GRID1: variants seen among roughly 807,000 people sequenced by gnomAD.
GRID1 encodes glutamate receptor ionotropic, delta-1.
Under a neutral mutation model 98.0 loss-of-function variants are expected in GRID1, and 28 were observed. The observed-to-expected ratio is 0.29, with a 90% confidence interval of 0.21 to 0.39. The LOEUF (loss-of-function observed/expected upper bound fraction) is 0.39, where lower values mean the gene tolerates loss of function less well. Among genes scored for constraint, GRID1 ranks in the 10% least tolerant of loss-of-function variants. GRID1 has a pLI of 1.00. For synonymous variants in GRID1, 553 were observed against 538.5 expected, an observed-to-expected ratio of 1.03 and a Z score of -0.37; for missense variants, 1,111 against 1,340.5, an observed-to-expected ratio of 0.83 and a Z score of 2.67.
In GRID1 at chr10:85,868,991, G is replaced by A. The variant is rs866549941; in HGVS notation, c.951+19C>T. On this transcript the variant is annotated intron_variant, in intron 6 of 15. Transcript: ENST00000327946. ...GACTCTTGGTGGAGGGGACTGGAGA[G>A]AAGAGGCTGAGCACTGACCTGCAGC... 6.2e-7 allele frequency: 1 copy of A among 1,609,214 alleles called. No individual in the cohort carries two copies. The highest frequency in any genetic ancestry group is 8.5e-7 in the Non-Finnish European group (1 of 1,176,602).
chr10:85,829,694 T>C (rs972566485), intron 8 of GRID1, among the ~76,000 whole-genome samples: 4 of 152,010 alleles, frequency 2.6e-5, no homozygotes, highest in African/African-American at 7.3e-5. Context: ...CACAATTCCA[T>C]TCAAAATATC....
intron 2 of GRID1, among the ~76,000 whole-genome samples, chr10:86,228,447 T>A (rs972236008): frequency 6.6e-6 from 1 of 152,050 alleles, no homozygotes; most frequent in African/African-American, 2.4e-5. Context: ...CTTGATACAA[T>A]TGGAGCAGCT....
intron 4 of GRID1, among the ~76,000 whole-genome samples, chr10:85,939,835 G>A (rs1841974859): frequency 6.6e-6 from 1 of 152,096 alleles, no homozygotes; most frequent in African/African-American, 2.4e-5. Flanking sequence ...GGAGGCCAAA[G>A]TGGGAGAATC....
chr10:86,067,428 G>A (rs1004609665), intron 4 of GRID1, among the ~76,000 whole-genome samples: 20 of 152,178 alleles, frequency 1.3e-4, no homozygotes, highest in Admixed American at 1.2e-3. Flanking sequence ...AGTAAAGAGC[G>A]TTTCACAGAC....
intron 13 of GRID1, chr10:85,646,137 T>G (rs1590172959): frequency 2.0e-5 from 3 of 153,224 alleles, no homozygotes; most frequent in African/African-American, 7.3e-5. Context: ...TGTGTGTGTG[T>G]GGCAAGGTGT....
chr10:86,138,270 C>T (rs1844958211), intron 4 of GRID1, among the ~76,000 whole-genome samples: 1 of 152,014 alleles, frequency 6.6e-6, no homozygotes, highest in African/African-American at 2.4e-5. Context: ...ACTGATGGGC[C>T]CTGTCTTCAT....
At chr10:85,859,990 A>T (rs1254556510) in intron 6 of GRID1, among the ~76,000 whole-genome samples, 1 of 152,158 alleles carries the variant, frequency 6.6e-6, no homozygotes, top group Non-Finnish European at 1.5e-5. Flanking sequence ...AGATGGCTGG[A>T]TATCAGTGTC....
chr10:86,090,747 G>A (rs1401445752), intron 4 of GRID1, among the ~76,000 whole-genome samples: 1 of 152,136 alleles, frequency 6.6e-6, no homozygotes, highest in Non-Finnish European at 1.5e-5. Context: ...ATTCCGAGAG[G>A]ACCCACAGAC....
At chr10:85,734,647 A>G (rs1841859502) in intron 8 of GRID1, among the ~76,000 whole-genome samples, 1 of 152,166 alleles carries the variant, frequency 6.6e-6, no homozygotes, top group African/African-American at 2.4e-5. Context: ...GATCCTTCAT[A>G]TTGGGTAGGA....
At chr10:85,952,367 C>A (rs1842136732) in intron 4 of GRID1, among the ~76,000 whole-genome samples, 1 of 152,184 alleles carries the variant, frequency 6.6e-6, no homozygotes, top group African/African-American at 2.4e-5. Flanking sequence ...CTTTTAAGAT[C>A]CATCCAGAGG....
At position 85,647,416 on chromosome 10, in the gene GRID1, G is replaced by C; in HGVS notation, c.1998-19C>G. On this transcript the variant is annotated intron_variant, in intron 12 of 15. Coordinates refer to ENST00000327946, the MANE Select transcript of GRID1 (RefSeq NM_017551.3). ...GAAAGTCCTGAAATGCAGAAAGGCAGCGAGGCATGAGTACATGCTGTGCAT... is the reference window on the plus strand; with the variant it reads ...GAAAGTCCTGAAATGCAGAAAGGCACCGAGGCATGAGTACATGCTGTGCAT... 1 of 1,602,124 alleles carries C rather than the reference G, an allele frequency of 6.2e-7. No individual in the cohort carries two copies. Among genetic ancestry groups the C allele is most frequent in the South Asian group, 1.1e-5 (1 of 90,614 alleles).
intron 2 of GRID1, among the ~76,000 whole-genome samples, chr10:86,263,554 A>G (rs1847054583): frequency 1.3e-5 from 2 of 152,208 alleles, no homozygotes; most frequent in Admixed American, 1.3e-4. Context: ...AACAGAGGCC[A>G]AACCCCGTCC....
At chr10:85,691,055 A>G (rs1265843171) in intron 12 of GRID1, among the ~76,000 whole-genome samples, 1 of 152,204 alleles carries the variant, frequency 6.6e-6, no homozygotes, top group African/African-American at 2.4e-5. Flanking sequence ...ATAATCCACC[A>G]CTGAACTAGT....
chr10:85,806,795 A>C (rs1415179405), intron 8 of GRID1, among the ~76,000 whole-genome samples: 1 of 152,156 alleles, frequency 6.6e-6, no homozygotes, highest in Non-Finnish European at 1.5e-5. Context: ...CATTCAATTC[A>C]AAAGGGGAAT....
chr10:85,869,634 T>C (rs76823244), intron 5 of GRID1, among the ~76,000 whole-genome samples: 1,567 of 152,330 alleles, frequency 0.01, 23 homozygotes, highest in African/African-American at 0.035. Flanking sequence ...TACAAAATAT[T>C]TGCACACGAA....
chr10:85,833,047 C>T (rs1223175376), intron 8 of GRID1, among the ~76,000 whole-genome samples: 4 of 152,172 alleles, frequency 2.6e-5, no homozygotes, highest in Admixed American at 2.6e-4. Context: ...CAAGACTCCA[C>T]ACCCCCACTG....
chr10:86,151,014 CTGACTTCTAGCCAGGCACTATG>C (rs1845160625), intron 3 of GRID1, among the ~76,000 whole-genome samples: 1 of 152,206 alleles, frequency 6.6e-6, no homozygotes, highest in South Asian at 2.1e-4. Context: ...TTATCCAGGT[CTGACTTCTAGCCAGGCACTATG>C]TGAAGTAATT....
At chr10:85,693,037 T>C (rs1244117817) in intron 12 of GRID1, among the ~76,000 whole-genome samples, 2 of 152,234 alleles carry the variant, frequency 1.3e-5, no homozygotes, top group East Asian at 1.9e-4. Context: ...GAATTTATTT[T>C]ACAAAGAATT....
rs550458476 is a variant in GRID1, at chr10:86,192,661, A to T, written c.520+13703T>A. On this transcript the variant is annotated intron_variant, in intron 3 of 15. Coordinates refer to ENST00000327946, the MANE Select transcript of GRID1 (RefSeq NM_017551.3). The surrounding 1 kb of genome is among the most constrained non-coding windows in gnomAD (Gnocchi z 4.8). ...TAACACCATTGAACTGTGCGTGAAA[A>T]TGGTTAACATGGTAAATTTTGTGTT... 2.0e-5 allele frequency among the ~76,000 whole-genome samples: 3 copies of T among 152,190 alleles called. No individual in the cohort carries two copies. Among genetic ancestry groups the T allele is most frequent in the African/African-American group, 7.2e-5 (3 of 41,530 alleles).
Sources: allele counts gnomAD v4.1 joint callset (sites outside exome capture counted in the v4.1 genomes callset), GRCh38; gene constraint gnomAD v4.1.1; non-coding constraint Gnocchi (gnomAD v3.1); transcripts MANE v1.5; gene names NCBI Gene and HGNC (gene_info 2026-07-23, HGNC 2026-07-21).